Variants in GGA1 observed in about 807,000 individuals in gnomAD.
GGA1 encodes the protein ADP-ribosylation factor-binding protein GGA1.
In GGA1, 18 loss-of-function variants were observed where a neutral mutation model predicts 76.9. The observed-to-expected ratio is 0.23, with a 90% CI of 0.16 to 0.35. GGA1 has a LOEUF of 0.35. Ranked by LOEUF, GGA1 falls within the 10% of genes least tolerant of loss-of-function variation. The pLI is 1.00. For synonymous variants in GGA1, 342 were observed against 354.7 expected, an observed-to-expected ratio of 0.96 and a Z score of 0.40; for missense variants, 755 against 859.0, an observed-to-expected ratio of 0.88 and a Z score of 1.51.
chr22:37,617,165 CG>C (rs1928968539), intron 3 of GGA1, 168 bp downstream of exon 3: 3 of 1,460,758 alleles, frequency 2.1e-6, no homozygotes, highest in Non-Finnish European at 2.7e-6. Context: ...CCACAGCCAG[CG>C]GGCTGGCCTC....
In GGA1 at chr22:37,630,253, C is replaced by T. The variant is rs1931563297; in HGVS notation, c.1331+83C>T. On this transcript the variant is annotated intron_variant, in intron 13 of 16. Transcript: ENST00000343632. ...GCAACTTCTCCTGGGCTTGTCCAGG[C>T]CCAGCAGGGAGAGGCTCGTTGCTGT... is the stretch of plus-strand genomic sequence containing the variant. 4.8e-6 allele frequency: 5 copies of T among 1,040,620 alleles called. No individual in the cohort carries two copies. The African/African-American group carries it at 5.1e-5, about 11-fold the overall frequency. The allele number at this position is 1,040,620 out of a possible 1,614,324, so 64.5% of individuals were successfully genotyped here.
At chr22:37,630,406 A>C (rs1222614118) in intron 13 of GGA1, 1 of 520,416 alleles carries the variant, frequency 1.9e-6, no homozygotes, top group Non-Finnish European at 3.3e-6. Context: ...AGAAAGGTCC[A>C]GAGGGCCGGC....
rs757192761 is a variant in GGA1, at chr22:37,618,543, C to A, written c.300C>A (p.Pro100=). 6.2e-7 allele frequency: 1 copy of A among 1,600,206 alleles called. No homozygotes were observed. The highest frequency in any genetic ancestry group is 1.3e-5 in the African/African-American group (1 of 74,756). ...FLNELIKVVS[P]KYLGSRTSEK... is the part of the protein sequence containing the mutation. Reference sequence around the variant, plus strand: ...ACGAGCTCATCAAGGTCGTGTCTCCCAAGGTTGGTGCCCCCAGCCCAAGCT... The same window carrying A: ...ACGAGCTCATCAAGGTCGTGTCTCCAAAGGTTGGTGCCCCCAGCCCAAGCT... Residue 100 remains proline, a synonymous_variant, in exon 4 of 17, where the codon CCC becomes CCA. Transcript: ENST00000343632.
intron 2 of GGA1, among the ~76,000 whole-genome samples, chr22:37,616,131 C>T (rs937813406): frequency 5.9e-5 from 9 of 152,012 alleles, no homozygotes; most frequent in Non-Finnish European, 8.8e-5. Flanking sequence ...CATGAGCCAC[C>T]GTGCCCAGCT....
chr22:37,612,947 A>G (rs1928012611), intron 1 of GGA1: 2 of 984,990 alleles, frequency 2.0e-6, no homozygotes, highest in South Asian at 4.7e-5. Context: ...CCTTGCCACT[A>G]TCCATTTCTG....
At chr22:37,609,206 A>C in intron 1 of GGA1, 2 of 1,301,684 alleles carry the variant, frequency 1.5e-6, no homozygotes, top group East Asian at 9.1e-5. Flanking sequence ...CCAACCCCCA[A>C]GGCTCACATT....
At chr22:37,616,604 C>T (rs1210161584) in intron 2 of GGA1, among the ~76,000 whole-genome samples, 2 of 152,184 alleles carry the variant, frequency 1.3e-5, no homozygotes, top group East Asian at 1.9e-4. Flanking sequence ...AAGCCAAGGA[C>T]GTGACACATC....
intron 13 of GGA1, chr22:37,630,432 G>C: frequency 1.9e-6 from 1 of 516,488 alleles, no homozygotes; most frequent in Non-Finnish European, 3.4e-6. Context: ...GGAGGACACT[G>C]GGCTGGAGTG....
intron 5 of GGA1, 63 bp downstream of exon 5, chr22:37,620,424 G>T: frequency 3.2e-6 from 5 of 1,580,238 alleles, no homozygotes; most frequent in Non-Finnish European, 4.3e-6. Context: ...CCATGAGCTG[G>T]GGCTCCAGCG....
chr22:37,617,520 G>A (rs1015473888), intron 3 of GGA1: 3 of 990,228 alleles, frequency 3.0e-6, no homozygotes, highest in Non-Finnish European at 3.6e-6. Context: ...TGGTGGTAGA[G>A]ATACAGTTTC....
intron 13 of GGA1, among the ~76,000 whole-genome samples, chr22:37,630,475 G>A (rs1043894855): frequency 3.9e-5 from 6 of 152,042 alleles, no homozygotes; most frequent in Non-Finnish European, 7.3e-5. Context: ...GGGAGAACAC[G>A]AGCTGCTCCT....
intron 11 of GGA1, chr22:37,626,636 A>G (rs1385469637): frequency 6.6e-6 from 1 of 152,254 alleles, no homozygotes; most frequent in Non-Finnish European, 1.5e-5. Flanking sequence ...ATCCTCAGGG[A>G]TATGTTGGAA....
At chr22:37,611,415 G>T (rs760876792) in intron 1 of GGA1, among the ~76,000 whole-genome samples, 2 of 152,124 alleles carry the variant, frequency 1.3e-5, no homozygotes, top group Non-Finnish European at 2.9e-5. Flanking sequence ...TCCTTGCTAT[G>T]CTTTGCTCTG....
rs1931726301 is a variant in GGA1 at position 37,631,074 on chromosome 22, T to C, written c.1503T>C (p.Thr501=). The change falls in exon 14 of 17, where the codon ACT becomes ACC. Residue 501 remains threonine, a synonymous_variant. Transcript: ENST00000343632. Reference sequence around the variant, plus strand: ...CCGAGCTCTCACTGGCCAGCATCACTGTGCCCCTGGAGTCCATCAAACCCA... The same window carrying C: ...CCGAGCTCTCACTGGCCAGCATCACCGTGCCCCTGGAGTCCATCAAACCCA... ...VPTELSLASI[T]VPLESIKPSN... 4.4e-6 allele frequency: 7 copies of C among 1,602,572 alleles called. No individual in the cohort carries two copies. The highest frequency in any genetic ancestry group is 1.3e-5 in the African/African-American group (1 of 74,168).
rs1930736376 is a variant in GGA1, at chr22:37,625,912, C to G, written c.1056C>G (p.Ala352=). ...GEQASPEQPS[A]SVSLLDDELM... Reference sequence around the variant, plus strand: ...AGGCCAGCCCTGAGCAGCCCAGTGCCTCAGTTTCCCTGCTTGACGACGAGC... The same window carrying G: ...AGGCCAGCCCTGAGCAGCCCAGTGCGTCAGTTTCCCTGCTTGACGACGAGC... The change falls in exon 11 of 17, where the codon GCC becomes GCG. Residue 352 remains alanine (A), a synonymous_variant. Coordinates refer to ENST00000343632, the MANE Select transcript of GGA1 (RefSeq NM_013365.5). This position sits in a 1 kb window ranked among gnomAD's most constrained non-coding sequence, Gnocchi z 4.1. The G allele has an allele frequency of 1.2e-6, 2 of 1,602,172 alleles. No homozygotes were observed. The highest frequency in any genetic ancestry group is 1.7e-6 in the Non-Finnish European group (2 of 1,174,314).
Position 37,623,491 on chromosome 22 carries a change from C to T in GGA1, c.750+24C>T, listed in dbSNP as rs758322868. 2 of 1,613,456 alleles carry T rather than the reference C, an allele frequency of 1.2e-6. No individual in the cohort carries two copies. Among genetic ancestry groups the T allele is most frequent in the South Asian group, 2.2e-5 (2 of 91,060 alleles). ...AGGTGCACCTGCCTCCCTGCCTACCCCACTCCCTGCCCACTCCACAGCCCA... is the reference window on the plus strand; with the variant it reads ...AGGTGCACCTGCCTCCCTGCCTACCTCACTCCCTGCCCACTCCACAGCCCA... On this transcript the variant is annotated intron_variant, in intron 8 of 16. Transcript: ENST00000343632. This position sits in a 1 kb window ranked among gnomAD's most constrained non-coding sequence, Gnocchi z 4.6.
chr22:37,632,318 G>A lies in GGA1; in HGVS notation c.1699-87G>A, dbSNP rs989351874. 179 of 1,321,978 alleles carry A rather than the reference G, an allele frequency of 1.4e-4. No homozygotes were observed. The highest frequency in any genetic ancestry group is 3.8e-4 in the Middle Eastern group (2 of 5,288). 81.9% of individuals were successfully genotyped at this position (1,321,978 alleles called of 1,614,324 possible). ...AGAAGGACTGAGCCCCAGGATCCCC[G>A]GAGGGGAGCTGGCAGGCTGGGCCTG... is the stretch of plus-strand genomic sequence containing the variant. On this transcript the variant is annotated intron_variant, in intron 15 of 16. Coordinates refer to ENST00000343632, the MANE Select transcript of GGA1 (RefSeq NM_013365.5). The surrounding 1 kb of genome is among the most constrained non-coding windows in gnomAD (Gnocchi z 5.1).
At position 37,625,997 on chromosome 22, in the gene GGA1, G is replaced by A. The variant is rs763183884; in HGVS notation, c.1093+48G>A. 3.4e-6 allele frequency: 5 copies of A among 1,485,052 alleles called. No individual in the cohort carries two copies. Among genetic ancestry groups the A allele is most frequent in the Non-Finnish European group, 2.7e-6 (3 of 1,097,574 alleles). The allele number at this position is 1,485,052 out of a possible 1,614,324, so 92.0% of individuals were successfully genotyped here. On this transcript the variant is annotated intron_variant, in intron 11 of 16. Transcript: ENST00000343632. The surrounding 1 kb of genome is among the most constrained non-coding windows in gnomAD (Gnocchi z 4.1). The stretch of plus-strand genomic sequence containing the variant: ...AGGAGGGCGGGCTCAGCAGCAGATG[G>A]GGCATGATCCCAGGGCCCACTCACA...
intron 4 of GGA1, among the ~76,000 whole-genome samples, chr22:37,618,864 C>T (rs1929310134): frequency 6.6e-6 from 1 of 152,184 alleles, no homozygotes; most frequent in Non-Finnish European, 1.5e-5. Context: ...TGTCAGCCAT[C>T]TCTGGCCTGA....
Sources: allele counts gnomAD v4.1 joint callset (sites outside exome capture counted in the v4.1 genomes callset), GRCh38; gene constraint gnomAD v4.1.1; non-coding constraint Gnocchi (gnomAD v3.1); transcripts MANE v1.5; gene names NCBI Gene and HGNC (gene_info 2026-07-23, HGNC 2026-07-21).